ACSL5: variants seen among roughly 807,000 people sequenced by gnomAD.
ACSL5 encodes the protein long-chain-fatty-acid--CoA ligase 5.
In ACSL5, 50 loss-of-function variants were observed where a neutral mutation model predicts 84.9. That is an observed-to-expected ratio of 0.59 (90% CI 0.47 to 0.75). The LOEUF is 0.75. Among genes scored for constraint, ACSL5 ranks in the 30% least tolerant of loss-of-function variants. The pLI, the probability that ACSL5 is intolerant of heterozygous loss-of-function variation, is 0.00. For missense variants in ACSL5, 775 were observed against 830.4 expected (o/e 0.93, Z 0.82); for synonymous variants, 280 against 300.7 (o/e 0.93, Z 0.71).
At chr10:112,387,069 G>A (rs553646330) in intron 1 of ACSL5, among the ~76,000 whole-genome samples, 25 of 152,088 alleles carry the variant, frequency 1.6e-4, no homozygotes, top group South Asian at 6.2e-4. Flanking sequence ...TCTGAATGTT[G>A]ACCCCTTGGA....
chr10:112,427,231 T>A lies in ACSL5; in HGVS notation c.1925T>A (p.Phe642Tyr). The change falls in exon 21 of 21, where the codon TTT (phenylalanine) becomes TAT (tyrosine). Residue 642 changes from phenylalanine to tyrosine, a missense_variant. Physicochemically the swap from Phe to Tyr is conservative, Grantham distance 22. Coordinates refer to ENST00000354655, the MANE Select transcript of ACSL5 (RefSeq NM_203379.2). ...LKTFEQVKAI[F>Y]LHPEPFSIEN... Reference sequence around the variant, plus strand: ...TTCATCTTCCAGGTCAAAGCCATTTTTCTTCATCCAGAGCCATTTTCCATT... The same window carrying A: ...TTCATCTTCCAGGTCAAAGCCATTTATCTTCATCCAGAGCCATTTTCCATT... 6.2e-7 allele frequency: 1 copy of A among 1,612,330 alleles called. No individual in the cohort carries two copies. The highest frequency in any genetic ancestry group is 1.1e-5 in the South Asian group (1 of 90,810).
intron 1 of ACSL5, among the ~76,000 whole-genome samples, chr10:112,392,379 G>C (rs896743191): frequency 8.8e-6 from 1 of 114,106 alleles, no homozygotes; most frequent in African/African-American, 2.6e-5. Flanking sequence ...GGCCAAGGTG[G>C]GAGGACCGCT....
chr10:112,419,102 CTGTGTGTG>C (rs57261585), intron 14 of ACSL5, among the ~76,000 whole-genome samples: 274 of 146,518 alleles, frequency 1.9e-3, no homozygotes, highest in Non-Finnish European at 3.1e-3. Context: ...CACAATGTAT[CTGTGTGTG>C]TGTGTGTGTG....
chr10:112,396,584 T>C (rs1843751729), intron 2 of ACSL5, among the ~76,000 whole-genome samples: 1 of 152,162 alleles, frequency 6.6e-6, no homozygotes, highest in South Asian at 2.1e-4. Flanking sequence ...GACTTGAAAA[T>C]GTGCCTAAGT....
At chr10:112,413,667 G>A (rs991293416) in intron 12 of ACSL5, among the ~76,000 whole-genome samples, 4 of 152,298 alleles carry the variant, frequency 2.6e-5, no homozygotes, top group African/African-American at 9.6e-5. Flanking sequence ...GGAGGTTGCA[G>A]TGAGCCAAGA....
At position 112,427,234 on chromosome 10, in the gene ACSL5, T is replaced by C. The variant is rs765385170; in HGVS notation, c.1928T>C (p.Leu643Pro). The change falls in exon 21 of 21, where the codon CTT (leucine) becomes CCT (proline). Residue 643 changes from leucine (L) to proline (P), a missense_variant. Coordinates refer to ENST00000354655, the MANE Select transcript of ACSL5 (RefSeq NM_203379.2). ...KTFEQVKAIF[L>P]HPEPFSIENG... is the part of the protein sequence containing the mutation. Reference sequence around the variant, plus strand: ...ATCTTCCAGGTCAAAGCCATTTTTCTTCATCCAGAGCCATTTTCCATTGAA... The same window carrying C: ...ATCTTCCAGGTCAAAGCCATTTTTCCTCATCCAGAGCCATTTTCCATTGAA... 1.2e-6 allele frequency: 2 copies of C among 1,612,452 alleles called. 1 individual carries two copies. Among genetic ancestry groups the C allele is most frequent in the South Asian group, 2.2e-5 (2 of 90,818 alleles).
At chr10:112,411,361 T>C in intron 9 of ACSL5, 95 bp from the exon 10 acceptor site, 1 of 1,045,892 alleles carries the variant, frequency 9.6e-7, no homozygotes, top group Non-Finnish European at 1.5e-6. Context: ...CTTGGCCTTC[T>C]GGAATAAAAC....
chr10:112,389,022 G>A (rs1465138842), intron 1 of ACSL5, among the ~76,000 whole-genome samples: 4 of 152,034 alleles, frequency 2.6e-5, no homozygotes. Flanking sequence ...TAGCCAATAG[G>A]GATAGTATGA....
At chr10:112,396,615 T>C (rs1843752189) in intron 2 of ACSL5, among the ~76,000 whole-genome samples, 1 of 152,152 alleles carries the variant, frequency 6.6e-6, no homozygotes, top group African/African-American at 2.4e-5. Flanking sequence ...GAAATCTGAT[T>C]TTCTATTCTG....
intron 1 of ACSL5, chr10:112,394,689 C>G (rs1260909413): frequency 1.0e-6 from 1 of 957,860 alleles, no homozygotes; most frequent in Non-Finnish European, 1.2e-6. Flanking sequence ...TGTGTGAGGA[C>G]AGTCAAGTAG....
At chr10:112,405,137 G>A (rs1844002709) in intron 5 of ACSL5, among the ~76,000 whole-genome samples, 1 of 152,186 alleles carries the variant, frequency 6.6e-6, no homozygotes, top group Non-Finnish European at 1.5e-5. Flanking sequence ...TGGAAAGTAT[G>A]TATTAGTATT....
intron 2 of ACSL5, chr10:112,395,804 G>A (rs1843735458): frequency 1.3e-5 from 2 of 152,120 alleles, no homozygotes; most frequent in African/African-American, 4.8e-5. Context: ...AAGCATTCCT[G>A]TTCCTTCACA....
intron 1 of ACSL5, among the ~76,000 whole-genome samples, chr10:112,381,478 C>A (rs1849346735): frequency 2.0e-5 from 3 of 151,778 alleles, no homozygotes; most frequent in Admixed American, 6.6e-5. Flanking sequence ...ACCAGCCTGG[C>A]CAACATGGTG....
intron 12 of ACSL5, among the ~76,000 whole-genome samples, chr10:112,416,419 C>T (rs1484451054): frequency 7.2e-6 from 1 of 138,410 alleles, no homozygotes; most frequent in African/African-American, 2.8e-5. Flanking sequence ...TGCAGTGAGC[C>T]GAGATGGCGC....
intron 10 of ACSL5, 143 bp downstream of exon 10, chr10:112,411,672 C>T (rs1284342628): frequency 2.2e-6 from 2 of 902,674 alleles, no homozygotes; most frequent in South Asian, 1.6e-5. Flanking sequence ...TGTGGACAAA[C>T]ACCAGCGTGT....
intron 5 of ACSL5, among the ~76,000 whole-genome samples, chr10:112,407,745 A>C (rs567780670): frequency 6.6e-6 from 1 of 152,160 alleles, no homozygotes; most frequent in South Asian, 2.1e-4. Context: ...CCATAACCAA[A>C]TCCTACTAGT....
chr10:112,395,799 T>C (rs1458838432), intron 2 of ACSL5: 1 of 152,282 alleles, frequency 6.6e-6, no homozygotes, highest in Non-Finnish European at 1.5e-5. Context: ...GAAAAAAGCA[T>C]TCCTGTTCCT....
intron 19 of ACSL5, 44 bp downstream of exon 19, chr10:112,426,403 T>C: frequency 6.5e-7 from 1 of 1,533,080 alleles, no homozygotes; most frequent in East Asian, 2.2e-5. Flanking sequence ...CATGGGCCCA[T>C]CGTGGAGGAG....
At chr10:112,392,246 A>AGG (rs1843658165) in intron 1 of ACSL5, among the ~76,000 whole-genome samples, 2 of 151,902 alleles carry the variant, frequency 1.3e-5, no homozygotes, top group Admixed American at 1.3e-4. Context: ...CCAAGGTGGG[A>AGG]GGACCACTTG....
Sources: allele counts gnomAD v4.1 joint callset (sites outside exome capture counted in the v4.1 genomes callset), GRCh38; gene constraint gnomAD v4.1.1; transcripts MANE v1.5; gene names NCBI Gene and HGNC (gene_info 2026-07-23, HGNC 2026-07-21).